Variants in CHID1 observed in about 807,000 individuals in gnomAD.
CHID1 encodes chitinase domain containing 1.
In CHID1, 44 loss-of-function variants were observed where a neutral mutation model predicts 55.4. The ratio of observed to expected loss-of-function variants is 0.79; its 90% CI spans 0.62 to 1.02. The LOEUF (loss-of-function observed/expected upper bound fraction) is 1.02. CHID1 is among the 50% of genes least tolerant of loss of function. CHID1 has a pLI of 0.00. For synonymous variants in CHID1, 216 were observed against 212.9 expected (o/e 1.01, Z -0.13); for missense variants, 491 against 515.3 (o/e 0.95, Z 0.46).
intron 10 of CHID1, among the ~76,000 whole-genome samples, chr11:882,152 C>T (rs1850006718): frequency 6.6e-6 from 1 of 152,122 alleles, no homozygotes; most frequent in Non-Finnish European, 1.5e-5. Flanking sequence ...CGGTGAAATC[C>T]CATCTCTACT....
At chr11:893,101 G>A (rs1298161904) in intron 8 of CHID1, among the ~76,000 whole-genome samples, 2 of 152,180 alleles carry the variant, frequency 1.3e-5, no homozygotes, top group Non-Finnish European at 2.9e-5. Context: ...GGGCTGCCCT[G>A]GGCAGAACCC....
Position 870,401 on chromosome 11 carries a change from G to A in CHID1, c.1040+18C>T, listed in dbSNP as rs114765588. Reference sequence around the variant, plus strand: ...TGCACACAAGGCCAAGGTGGGCCACGCACTTCAAAACACTCACTTCTTGTA... The same window carrying A: ...TGCACACAAGGCCAAGGTGGGCCACACACTTCAAAACACTCACTTCTTGTA... On this transcript the variant is annotated intron_variant, in intron 11 of 12. Coordinates refer to ENST00000323578, the MANE Select transcript of CHID1 (RefSeq NM_023947.4). 3,688 of 1,594,250 alleles carry A rather than the reference G, an allele frequency of 2.3e-3. 62 individuals are homozygous for A. In the African/African-American group the frequency reaches 0.038, roughly 17 times the overall value.
Position 869,597 on chromosome 11 carries a change from C to A in CHID1, c.*261G>T, listed in dbSNP as rs992820477. ...CTGGTGGGGCAGGTACTGTGGGCCC[C>A]GCCTGCCCAGCTGACAGGAGGCAGC... On this transcript the variant is annotated 3_prime_UTR_variant, in exon 13 of 13. Coordinates refer to ENST00000323578, the MANE Select transcript of CHID1 (RefSeq NM_023947.4). The A allele has an allele frequency of 3.5e-6, 2 of 572,400 alleles. No homozygotes were observed. The highest frequency in any genetic ancestry group is 4.1e-5 in the South Asian group (2 of 48,332). The allele number at this position is 572,400 out of a possible 1,614,324, so 35.5% of individuals were successfully genotyped here. A position where few individuals can be genotyped will look rare whatever the true frequency, so the allele number is the denominator to read the frequency against.
At chr11:879,405 G>A (rs886619823) in intron 10 of CHID1, among the ~76,000 whole-genome samples, 2 of 61,396 alleles carry the variant, frequency 3.3e-5, no homozygotes, top group Admixed American at 2.9e-4. Context: ...TTAAAATGAT[G>A]TCACAAGGGT....
chr11:914,734 AAATT>A, upstream of CHID1: 1 of 358,472 alleles, frequency 2.8e-6, no homozygotes, highest in Non-Finnish European at 5.2e-6. Flanking sequence ...AAAAAAAAAA[AAATT>A]ACTCACACCT....
intron 4 of CHID1, among the ~76,000 whole-genome samples, chr11:901,583 G>A (rs1264739591): frequency 6.6e-6 from 1 of 152,210 alleles, no homozygotes; most frequent in African/African-American, 2.4e-5. Context: ...AATGAAAATC[G>A]CTGAGAGAGG....
In CHID1 at chr11:883,234, C is replaced by A; in HGVS notation, c.873G>T (p.Trp291Cys). The stretch of plus-strand genomic sequence containing the variant: ...TGAGCCCCAGGAGGATTTTGCTTCG[C>A]CACTTGGACTTCGGGTCCAGGACCT... ...CVQVLDPKSK[W>C]RSKILLGLNF... is the part of the protein sequence containing the mutation. The change falls in exon 10 of 13, where the codon TGG becomes TGT. Residue 291 changes from tryptophan (W) to cysteine (C), a missense_variant. Coordinates refer to ENST00000323578, the MANE Select transcript of CHID1 (RefSeq NM_023947.4). 1 of 1,614,200 alleles carries A rather than the reference C, an allele frequency of 6.2e-7. No individual in the cohort carries two copies. The highest frequency in any genetic ancestry group is 8.5e-7 in the Non-Finnish European group (1 of 1,180,018).
At chr11:876,661 C>A (rs1348857482) in intron 10 of CHID1, among the ~76,000 whole-genome samples, 4 of 152,196 alleles carry the variant, frequency 2.6e-5, no homozygotes, top group Non-Finnish European at 5.9e-5. Context: ...CCTGCTGTAC[C>A]CTTGAGGCAG....
At chr11:898,468 G>A (rs1336889345) in intron 7 of CHID1, among the ~76,000 whole-genome samples, 11 of 152,352 alleles carry the variant, frequency 7.2e-5, no homozygotes, top group African/African-American at 2.4e-4. Flanking sequence ...CACCATCCTC[G>A]CTCGTTGCAA....
At chr11:891,238 G>A (rs1248442440) in intron 8 of CHID1, among the ~76,000 whole-genome samples, 2 of 152,044 alleles carry the variant, frequency 1.3e-5, no homozygotes, top group South Asian at 2.1e-4. Flanking sequence ...TGGAGCGGGC[G>A]CACAACAGCA....
rs553979568 is a variant in CHID1, at chr11:875,095, G to A, written c.960-4596C>T. ...CTTGCAGGCTCGGGCCAGGGCTGCT[G>A]TGAGCAATGGTGAGGCCCCCAGTGC... is the stretch of plus-strand genomic sequence containing the variant. On this transcript the variant is annotated intron_variant, in intron 10 of 12. Coordinates refer to ENST00000323578, the MANE Select transcript of CHID1 (RefSeq NM_023947.4). The surrounding 1 kb of genome is among the most constrained non-coding windows in gnomAD (Gnocchi z 4.7). Among the ~76,000 whole-genome samples the A allele has an allele frequency of 9.8e-4, 149 of 152,354 alleles. No homozygotes were observed. The highest frequency in any genetic ancestry group is 3.5e-3 in the African/African-American group (145 of 41,584).
At chr11:904,363 G>A (rs1852049940) in intron 2 of CHID1, among the ~76,000 whole-genome samples, 2 of 152,312 alleles carry the variant, frequency 1.3e-5, no homozygotes, top group Admixed American at 1.3e-4. Context: ...ACAGCTCAAG[G>A]CCATGATAAA....
At chr11:893,299 T>C (rs6597973) in intron 8 of CHID1, 128 bp downstream of exon 8, 316,029 of 693,986 alleles carry the variant, frequency 0.46, 76,840 homozygotes, top group Admixed American at 0.53. Context: ...CTGAAGCCTC[T>C]ATACAGACGG....
At chr11:912,772 A>C (rs1589924117), upstream of CHID1, among the ~76,000 whole-genome samples, 3 of 151,080 alleles carry the variant, frequency 2.0e-5, no homozygotes, top group African/African-American at 7.3e-5. Flanking sequence ...TGAACCCAGG[A>C]GGCGGAGCTT....
upstream of CHID1, among the ~76,000 whole-genome samples, chr11:912,653 ATT>A (rs1852762705): frequency 6.6e-6 from 1 of 151,954 alleles, no homozygotes; most frequent in African/African-American, 2.4e-5. Flanking sequence ...GACCATCCTG[ATT>A]AACACGGTGA....
rs979623332 is a variant in CHID1 at position 887,803 on chromosome 11, CCT to C, written c.702-3636_702-3635del. On this transcript the variant is annotated intron_variant, in intron 8 of 12. Transcript: ENST00000323578. ...CCCACATCCACGGTGCTGCAACGCC[CCT>C]GTCCCTCTCGTGGGCGCCATGCCCT... Among the ~76,000 whole-genome samples the C allele has an allele frequency of 3.9e-5, 6 of 152,370 alleles. No homozygotes were observed. In the South Asian group the frequency reaches 8.3e-4, roughly 21 times the overall value.
chr11:913,006 T>G (rs1852782470), upstream of CHID1, among the ~76,000 whole-genome samples: 2 of 152,162 alleles, frequency 1.3e-5, no homozygotes, highest in African/African-American at 4.8e-5. Flanking sequence ...GTATTTTATG[T>G]TTTTGGAACA....
chr11:889,727 A>G (rs1850661082), intron 8 of CHID1, among the ~76,000 whole-genome samples: 1 of 152,064 alleles, frequency 6.6e-6, no homozygotes, highest in Non-Finnish European at 1.5e-5. Flanking sequence ...CCCCAACCCT[A>G]ACAGAGATGG....
Position 900,107 on chromosome 11 carries a change from G to A in CHID1, c.443C>T (p.Pro148Leu). ...RKHAKGLHIV[P>L]RLLFEDWTYD... is the part of the protein sequence containing the mutation. ...AGTCCAGTCCTCAAACAGGAGCCGAGGCACTGCAGGGGCAACAGACACACA... is the reference window on the plus strand; with the variant it reads ...AGTCCAGTCCTCAAACAGGAGCCGAAGCACTGCAGGGGCAACAGACACACA... Residue 148 changes from proline (P) to leucine (L), a missense_variant, in exon 6 of 13, where the codon CCT (proline) becomes CTT (leucine). By Grantham distance (98) the Pro-to-Leu change is moderately conservative. Transcript: ENST00000323578. The A allele has an allele frequency of 6.2e-7, 1 of 1,612,576 alleles. No homozygotes were observed. Among genetic ancestry groups the A allele is most frequent in the Non-Finnish European group, 8.5e-7 (1 of 1,178,932 alleles).
Sources: gnomAD v4.1 joint callset for allele counts (sites outside exome capture counted in the v4.1 genomes callset) on GRCh38, gnomAD v4.1.1 for gene constraint, Gnocchi (gnomAD v3.1) non-coding constraint, MANE v1.5 for transcripts, NCBI Gene and HGNC (gene_info 2026-07-23, HGNC 2026-07-21) for gene names.